Variants in SLC38A10 observed in about 807,000 individuals in gnomAD.
SLC38A10 encodes Sodium-coupled neutral amino acid transporter 10.
Under a neutral mutation model 81.0 loss-of-function variants are expected in SLC38A10, and 53 were observed. The ratio of observed to expected loss-of-function variants is 0.65; its 90% confidence interval spans 0.53 to 0.82. The LOEUF (loss-of-function observed/expected upper bound fraction) is 0.82. Ranked by LOEUF, SLC38A10 falls within the 40% of genes least tolerant of loss-of-function variation. SLC38A10 has a pLI of 0.00. For synonymous variants in SLC38A10, 665 were observed against 655.3 expected (o/e 1.01, Z -0.23); for missense variants, 1,471 against 1,545.0 (o/e 0.95, Z 0.80).
Position 81,289,818 on chromosome 17 carries a change from G to A in SLC38A10, c.100-10C>T, listed in dbSNP as rs770774739. ...CCAGGACGATGCCGCACTGCAGGGTGGAGACAGGAACACATGTTCACAGCA... is the reference window on the plus strand; with the variant it reads ...CCAGGACGATGCCGCACTGCAGGGTAGAGACAGGAACACATGTTCACAGCA... On this transcript the variant is annotated splice_polypyrimidine_tract_variant and intron_variant, in intron 1 of 15. Coordinates refer to ENST00000374759, the MANE Select transcript of SLC38A10 (RefSeq NM_001037984.3). This position sits in a 1 kb window ranked among gnomAD's most constrained non-coding sequence, Gnocchi z 5.9. 3.2e-5 allele frequency: 51 copies of A among 1,578,704 alleles called. No individual in the cohort carries two copies. The highest frequency in any genetic ancestry group is 2.2e-5 in the Non-Finnish European group (26 of 1,164,016).
At chr17:81,247,651 C>T (rs2062865050) in intron 14 of SLC38A10, 1 of 150,050 alleles carries the variant, frequency 6.7e-6, no homozygotes, top group Admixed American at 6.6e-5. Flanking sequence ...CATAGCAAGA[C>T]CCCCATCTCC....
Position 81,245,898 on chromosome 17 carries a change from G to A in SLC38A10, c.3018C>T (p.Asp1006=), listed in dbSNP as rs759843202. ...VSHEQPRGGE[D]AAVQEPRQRP... is the part of the protein sequence containing the mutation. ...TCTGCCTGGGCTCCTGGACAGCAGC[G>A]TCCTCCCCGCCTCTCGGCTGCTCGT... Residue 1006 remains aspartate, a synonymous_variant, in exon 16 of 16, where the codon GAC becomes GAT. Coordinates refer to ENST00000374759, the MANE Select transcript of SLC38A10 (RefSeq NM_001037984.3). 64 of 1,611,808 alleles carry A rather than the reference G, an allele frequency of 4.0e-5. No individual in the cohort carries two copies. The highest frequency in any genetic ancestry group is 5.3e-5 in the African/African-American group (4 of 74,900).
chr17:81,256,716 T>A (rs1467134079), intron 11 of SLC38A10, among the ~76,000 whole-genome samples: 3 of 152,260 alleles, frequency 2.0e-5, no homozygotes, highest in Non-Finnish European at 1.5e-5. Flanking sequence ...TTCTAAGAGC[T>A]GATTTCTGAC....
intron 10 of SLC38A10, chr17:81,264,145 G>T (rs141762922): frequency 0.018 from 2,746 of 152,466 alleles, 47 homozygotes; most frequent in Non-Finnish European, 0.022. Flanking sequence ...CCCGAATAAG[G>T]GCGTAAGTGG....
rs527429652 is a variant in SLC38A10, at chr17:81,279,830, C to A, written c.626+779G>T. 1.6e-4 allele frequency: 27 copies of A among 172,850 alleles called. No individual in the cohort carries two copies. In the South Asian group the frequency reaches 2.7e-3, roughly 17 times the overall value. The allele number at this position is 172,850 out of a possible 1,614,324, so 10.7% of individuals were successfully genotyped here. A position where few individuals can be genotyped will look rare whatever the true frequency, so the allele number is the denominator to read the frequency against. On this transcript the variant is annotated intron_variant, in intron 6 of 15. Coordinates refer to ENST00000374759, the MANE Select transcript of SLC38A10 (RefSeq NM_001037984.3). ...GATATTAAACAGCAAGACTGGGGCG[C>A]GTTCTGGTGGAGATGGAGCTGCCAA...
At chr17:81,280,917 C>T (rs1201163421) in intron 5 of SLC38A10, among the ~76,000 whole-genome samples, 184 bp from the exon 6 acceptor site, 1 of 151,530 alleles carries the variant, frequency 6.6e-6, no homozygotes, top group Non-Finnish European at 1.5e-5. Flanking sequence ...GCAGGGAGAC[C>T]CCGCGCCTTT....
chr17:81,283,448 G>T lies in SLC38A10; in HGVS notation c.318C>A (p.Asp106Glu), dbSNP rs763932753. Residue 106 changes from aspartate (D) to glutamate (E), a missense_variant, in exon 4 of 16, where the codon GAC becomes GAA. Coordinates refer to ENST00000374759, the MANE Select transcript of SLC38A10 (RefSeq NM_001037984.3). The surrounding 1 kb of genome is among the most constrained non-coding windows in gnomAD (Gnocchi z 4.7). ...TCIAFYVVIGDLGSNFFARLF... is the reference protein window; with the variant it reads ...TCIAFYVVIGELGSNFFARLF... The stretch of plus-strand genomic sequence containing the variant: ...GCCGGGCAAAGAAGTTGGACCCCAA[G>T]TCGCCGATCACGACGTAGAAGGCGA... 1.7e-5 allele frequency: 27 copies of T among 1,612,580 alleles called. No individual in the cohort carries two copies. Among genetic ancestry groups the T allele is most frequent in the East Asian group, 4.5e-5 (2 of 44,826 alleles).
chr17:81,245,542 A>G lies in SLC38A10; in HGVS notation c.*14T>C. On this transcript the variant is annotated 3_prime_UTR_variant, in exon 16 of 16. Transcript: ENST00000374759. ...GAGGGCAGTGGCTGGCGTGGCCCTC[A>G]TGGCCAGCAGGTGCTAGGACTCCTC... is the stretch of plus-strand genomic sequence containing the variant. 4 of 1,577,860 alleles carry G rather than the reference A, an allele frequency of 2.5e-6. No individual in the cohort carries two copies. The highest frequency in any genetic ancestry group is 1.1e-5 in the South Asian group (1 of 87,536).
rs568729947 is a variant in SLC38A10, at chr17:81,283,831, G to A, written c.264-329C>T. Among the ~76,000 whole-genome samples, 2 of 151,426 alleles carry A rather than the reference G, an allele frequency of 1.3e-5. No homozygotes were observed. Among genetic ancestry groups the A allele is most frequent in the South Asian group, 2.1e-4 (1 of 4,812 alleles). On this transcript the variant is annotated intron_variant, in intron 3 of 15. Transcript: ENST00000374759. This position sits in a 1 kb window ranked among gnomAD's most constrained non-coding sequence, Gnocchi z 4.7. ...GCACCGTGTTAGCCAGGATGGTCTC[G>A]ATCTCCTGACCTCTGTGATCCGCCT... is the stretch of plus-strand genomic sequence containing the variant.
chr17:81,280,608 C>A lies in SLC38A10; in HGVS notation c.626+1G>T. The A allele has an allele frequency of 7.4e-6, 12 of 1,613,616 alleles. No homozygotes were observed. Among genetic ancestry groups the A allele is most frequent in the Non-Finnish European group, 1.0e-5 (12 of 1,179,814 alleles). On this transcript the variant is annotated splice_donor_variant, in intron 6 of 15. Transcript: ENST00000374759. LOFTEE classifies it high-confidence loss of function. ...ACCACAGACCACAGCAGGACACTTA[C>A]GACTGGCAGGCGAAGGACATGCCGA...
At chr17:81,269,002 T>G (rs1217487515) in intron 10 of SLC38A10, among the ~76,000 whole-genome samples, 3 of 152,206 alleles carry the variant, frequency 2.0e-5, no homozygotes, top group Non-Finnish European at 4.4e-5. Flanking sequence ...AAGCCAACTT[T>G]AAGGAGAAAA....
intron 6 of SLC38A10, 56 bp downstream of exon 6, chr17:81,280,553 A>G (rs2063201251): frequency 6.3e-7 from 1 of 1,599,410 alleles, no homozygotes; most frequent in South Asian, 1.1e-5. Flanking sequence ...CCCGTCTCCC[A>G]GCAGCTCGCC....
chr17:81,267,178 C>A (rs1237060174), intron 10 of SLC38A10, among the ~76,000 whole-genome samples: 1 of 152,180 alleles, frequency 6.6e-6, no homozygotes, highest in Non-Finnish European at 1.5e-5. Flanking sequence ...TCTACAATAG[C>A]ACTAACATTT....
chr17:81,247,182 C>T (rs965912625), intron 14 of SLC38A10, 121 bp from the exon 15 acceptor site: 4 of 1,018,368 alleles, frequency 3.9e-6, no homozygotes, highest in Non-Finnish European at 5.5e-6. Context: ...TGCCCGAACA[C>T]TGGCCACTGG....
rs1233541422 is a variant in SLC38A10 at position 81,283,132 on chromosome 17, AGAGACTT to A, written c.357+270_357+276del. 6.6e-6 allele frequency among the ~76,000 whole-genome samples: 1 copy of A among 152,134 alleles called. No individual in the cohort carries two copies. The highest frequency in any genetic ancestry group is 2.4e-5 in the African/African-American group (1 of 41,446). On this transcript the variant is annotated intron_variant, in intron 4 of 15. Transcript: ENST00000374759. The surrounding 1 kb of genome is among the most constrained non-coding windows in gnomAD (Gnocchi z 4.7). ...CCTCCAATGGGCAGCCCGGGCTGGC[AGAGACTT>A]GCTCTGCACTGTGCCCGGGTCTGAG...
intron 6 of SLC38A10, chr17:81,280,224 G>A (rs1020300782): frequency 4.2e-5 from 18 of 425,836 alleles, no homozygotes; most frequent in Middle Eastern, 3.4e-4. Context: ...TCCAGCAGCC[G>A]TCTGAAGTCA....
chr17:81,294,508 C>T (rs1035906316), intron 1 of SLC38A10, among the ~76,000 whole-genome samples: 2 of 152,208 alleles, frequency 1.3e-5, no homozygotes, highest in African/African-American at 2.4e-5. Flanking sequence ...TGTAAAAATA[C>T]GGAGTCCCAC....
rs1027355748 is a variant in SLC38A10, at chr17:81,277,757, C to A, written c.627-624G>T. ...ATGACAGCCCTGCACAGGCAGCAGA[C>A]GCATCCGAGGGACCTGCACAGGGAC... On this transcript the variant is annotated intron_variant, in intron 6 of 15. Transcript: ENST00000374759. This position sits in a 1 kb window ranked among gnomAD's most constrained non-coding sequence, Gnocchi z 4.5. Among the ~76,000 whole-genome samples, 1 of 152,198 alleles carries A rather than the reference C, an allele frequency of 6.6e-6. No homozygotes were observed. Among genetic ancestry groups the A allele is most frequent in the African/African-American group, 2.4e-5 (1 of 41,442 alleles).
chr17:81,276,913 G>A lies in SLC38A10; in HGVS notation c.729+118C>T. ...GCCTCCAGACACTGGGATGGGAACAGAGAGAAAAACCCAGCAGCACACAGG... is the reference window on the plus strand; with the variant it reads ...GCCTCCAGACACTGGGATGGGAACAAAGAGAAAAACCCAGCAGCACACAGG... On this transcript the variant is annotated intron_variant, in intron 7 of 15. Transcript: ENST00000374759. This position sits in a 1 kb window ranked among gnomAD's most constrained non-coding sequence, Gnocchi z 4.7. 1 of 1,010,872 alleles carries A rather than the reference G, an allele frequency of 9.9e-7. No individual in the cohort carries two copies. The highest frequency in any genetic ancestry group is 1.4e-5 in the South Asian group (1 of 72,902). 62.6% of individuals were successfully genotyped at this position (1,010,872 alleles called of 1,614,324 possible).
Sources: allele counts gnomAD v4.1 joint callset (sites outside exome capture counted in the v4.1 genomes callset), GRCh38; gene constraint gnomAD v4.1.1; non-coding constraint Gnocchi (gnomAD v3.1); transcripts MANE v1.5; gene names NCBI Gene and HGNC (gene_info 2026-07-23, HGNC 2026-07-21).